Variants in FAM13C observed in about 807,000 individuals in gnomAD.
FAM13C encodes the protein protein FAM13C.
A neutral mutation model predicts 73.2 loss-of-function variants in FAM13C; 37 were observed. That is an observed-to-expected ratio of 0.51 (90% confidence interval 0.39 to 0.67). The LOEUF is 0.67. FAM13C is among the 30% of genes least tolerant of loss of function. FAM13C has a pLI of 0.00. For synonymous variants in FAM13C, 246 were observed against 260.9 expected (o/e 0.94, Z 0.55); for missense variants, 589 against 715.6 (o/e 0.82, Z 2.02).
rs983649883 is a variant in FAM13C at position 59,341,413 on chromosome 10, C to T, written c.324+10857G>A. On this transcript the variant is annotated intron_variant, in intron 3 of 13. Coordinates refer to ENST00000618804, the MANE Select transcript of FAM13C (RefSeq NM_198215.4). The stretch of plus-strand genomic sequence containing the variant: ...TTCCTGAAAGAAATCCCTGGCCAGG[C>T]GCAGTGGCTCACGCCTGTAATCCCA... Among the ~76,000 whole-genome samples the T allele has an allele frequency of 3.3e-5, 5 of 152,272 alleles. No homozygotes were observed. The South Asian group carries it at 6.2e-4, about 19-fold the overall frequency.
chr10:59,355,716 A>C (rs1216551452), intron 2 of FAM13C, among the ~76,000 whole-genome samples, 171 bp downstream of exon 2: 1 of 152,216 alleles, frequency 6.6e-6, no homozygotes, highest in Non-Finnish European at 1.5e-5. Context: ...GGTGGTATCC[A>C]AAAGCGGAAA....
chr10:59,347,899 G>A (rs1854526950), intron 3 of FAM13C, among the ~76,000 whole-genome samples: 1 of 152,098 alleles, frequency 6.6e-6, no homozygotes, highest in Admixed American at 6.5e-5. Flanking sequence ...GTGTATATGT[G>A]CCACATTTTC....
At chr10:59,360,401 G>A (rs978392660) in intron 1 of FAM13C, among the ~76,000 whole-genome samples, 1 of 152,116 alleles carries the variant, frequency 6.6e-6, no homozygotes, top group African/African-American at 2.4e-5. Flanking sequence ...AGGCAGAGGA[G>A]CTCTTCTTGT....
At chr10:59,265,020 G>A (rs2133492026) in intron 8 of FAM13C, among the ~76,000 whole-genome samples, 1 of 151,872 alleles carries the variant, frequency 6.6e-6, no homozygotes. Flanking sequence ...TTTTCTTTAA[G>A]GATCCACTAA....
intron 5 of FAM13C, chr10:59,300,902 A>C (rs1270174139): frequency 1.3e-5 from 2 of 152,224 alleles, no homozygotes; most frequent in Non-Finnish European, 2.9e-5. Context: ...GAATTCATTC[A>C]GCTGTATACC....
intron 2 of FAM13C, among the ~76,000 whole-genome samples, chr10:59,352,928 C>T (rs997565896): frequency 6.6e-6 from 1 of 152,230 alleles, no homozygotes; most frequent in African/African-American, 2.4e-5. Flanking sequence ...TCCAGACTCA[C>T]ACCTGTGTTC....
At chr10:59,357,306 G>A (rs1397093011) in intron 1 of FAM13C, among the ~76,000 whole-genome samples, 1 of 152,018 alleles carries the variant, frequency 6.6e-6, no homozygotes, top group Non-Finnish European at 1.5e-5. Context: ...TGAGGTTTTG[G>A]TAAACAACTA....
At chr10:59,348,661 T>G (rs745827965) in intron 3 of FAM13C, among the ~76,000 whole-genome samples, 1 of 152,140 alleles carries the variant, frequency 6.6e-6, no homozygotes, top group African/African-American at 2.4e-5. Flanking sequence ...TCCTTTGAGA[T>G]GGAGTCTTGC....
At chr10:59,315,071 T>G (rs939974906) in intron 4 of FAM13C, among the ~76,000 whole-genome samples, 9 of 152,320 alleles carry the variant, frequency 5.9e-5, no homozygotes, top group African/African-American at 1.9e-4. Context: ...TAAGATTCAA[T>G]TGTTACTAAA....
chr10:59,322,912 C>T (rs569812990), intron 4 of FAM13C, among the ~76,000 whole-genome samples: 2 of 152,186 alleles, frequency 1.3e-5, no homozygotes, highest in East Asian at 3.9e-4. Context: ...TAAGAGTAAA[C>T]ACATAAAAGA....
In FAM13C at chr10:59,247,734, A is replaced by G. The variant is rs1466925408; in HGVS notation, c.1638T>C (p.Ser546=). 1 of 1,608,350 alleles carries G rather than the reference A, an allele frequency of 6.2e-7. No individual in the cohort carries two copies. Among genetic ancestry groups the G allele is most frequent in the African/African-American group, 1.3e-5 (1 of 74,634 alleles). Residue 546 remains serine (S), a synonymous_variant, in exon 14 of 14, where the codon AGT becomes AGC. Coordinates refer to ENST00000618804, the MANE Select transcript of FAM13C (RefSeq NM_198215.4). ...TTGGTATCCTATCTTCCTTTTGTGGACTTCTGCAAAACAAAAATACATTTG... is the reference window on the plus strand; with the variant it reads ...TTGGTATCCTATCTTCCTTTTGTGGGCTTCTGCAAAACAAAAATACATTTG... ...EEQFFKQTGR[S]PQKEDRIPMA...
intron 3 of FAM13C, among the ~76,000 whole-genome samples, chr10:59,342,698 G>A (rs577010261): frequency 3.9e-5 from 6 of 152,270 alleles, no homozygotes; most frequent in Non-Finnish European, 7.4e-5. Context: ...TATGGGGTCC[G>A]AAATTGCAGA....
At chr10:59,304,305 T>C (rs1847953263) in intron 4 of FAM13C, among the ~76,000 whole-genome samples, 1 of 152,202 alleles carries the variant, frequency 6.6e-6, no homozygotes, top group Admixed American at 6.5e-5. Context: ...ATTCTGTAGA[T>C]TGCCTGTTTA....
chr10:59,347,807 G>A (rs895439733), intron 3 of FAM13C, among the ~76,000 whole-genome samples: 1 of 152,028 alleles, frequency 6.6e-6, no homozygotes, highest in Non-Finnish European at 1.5e-5. Context: ...ATAGTTTGCT[G>A]AGAATGATGG....
At chr10:59,320,699 G>T (rs1189956635) in intron 4 of FAM13C, among the ~76,000 whole-genome samples, 1 of 152,214 alleles carries the variant, frequency 6.6e-6, no homozygotes, top group Non-Finnish European at 1.5e-5. Context: ...GTGAGGTGCA[G>T]AAACAGCCGG....
chr10:59,248,867 C>A (rs1841013852), intron 13 of FAM13C, among the ~76,000 whole-genome samples: 1 of 152,086 alleles, frequency 6.6e-6, no homozygotes, highest in South Asian at 2.1e-4. Flanking sequence ...ATTTCTAGTA[C>A]AGAACTCAGA....
chr10:59,307,114 C>T (rs938658023), intron 4 of FAM13C, among the ~76,000 whole-genome samples: 25 of 151,558 alleles, frequency 1.6e-4, no homozygotes, highest in African/African-American at 6.1e-4. Flanking sequence ...TGAAGAGAGG[C>T]AATTCATGAG....
intron 10 of FAM13C, among the ~76,000 whole-genome samples, chr10:59,258,667 T>G (rs1842175549): frequency 6.6e-6 from 1 of 152,182 alleles, no homozygotes; most frequent in Non-Finnish European, 1.5e-5. Context: ...GTTATATATT[T>G]TCTTTTTGAA....
At chr10:59,336,755 C>T (rs546249784) in intron 3 of FAM13C, among the ~76,000 whole-genome samples, 1 of 152,302 alleles carries the variant, frequency 6.6e-6, no homozygotes, top group South Asian at 2.1e-4. Flanking sequence ...TTCAAAGAAA[C>T]TCCCTCTTAT....
Sources: gnomAD v4.1 joint callset for allele counts (sites outside exome capture counted in the v4.1 genomes callset) on GRCh38, gnomAD v4.1.1 for gene constraint, MANE v1.5 for transcripts, NCBI Gene and HGNC (gene_info 2026-07-23, HGNC 2026-07-21) for gene names.